The following DIAPH2 variants were observed in gnomAD, a reference collection of about 807,000 sequenced individuals.
DIAPH2 encodes diaphanous related formin 2.
In DIAPH2, 35 loss-of-function variants were observed where a neutral mutation model predicts 92.7. That is an observed-to-expected ratio of 0.38 (90% CI 0.29 to 0.50). DIAPH2 has a LOEUF of 0.50. Ranked by LOEUF, DIAPH2 falls within the 20% of genes least tolerant of loss-of-function variation. The probability of loss-of-function intolerance (pLI) is 0.94; values close to 1 mark genes in which losing one functional copy is unlikely to be tolerated. For missense variants in DIAPH2, 701 were observed against 819.5 expected, an observed-to-expected ratio of 0.86 and a Z score of 1.77; for synonymous variants, 301 against 280.4, an observed-to-expected ratio of 1.07 and a Z score of -0.73.
intron 26 of DIAPH2, among the ~76,000 whole-genome samples, chrX:97,455,760 A>G (rs1010955413): frequency 1.8e-5 from 2 of 112,196 alleles, no homozygotes; most frequent in Non-Finnish European, 3.8e-5. Context: ...TTTATTGTAT[A>G]TGTTTGAAGT....
chrX:97,394,890 C>G (rs1183475936), intron 25 of DIAPH2, among the ~76,000 whole-genome samples: 1 of 111,426 alleles, frequency 9.0e-6, no homozygotes, highest in Non-Finnish European at 1.9e-5. Context: ...TGAGTTTACC[C>G]CTCTTGCCTT....
intron 17 of DIAPH2, among the ~76,000 whole-genome samples, chrX:97,002,406 T>C (rs1023508028): frequency 1.8e-5 from 2 of 111,294 alleles, no homozygotes; most frequent in Non-Finnish European, 3.8e-5. Flanking sequence ...TTTACTGTTG[T>C]GACAACTAAT....
chrX:97,194,411 A>G (rs1424265239), intron 22 of DIAPH2, among the ~76,000 whole-genome samples: 3 of 108,584 alleles, frequency 2.8e-5, no homozygotes, highest in Admixed American at 1.0e-4. Flanking sequence ...CCTCCCGAGT[A>G]GCTGGGACTA....
intron 26 of DIAPH2, among the ~76,000 whole-genome samples, chrX:97,545,075 T>A (rs1014182532): frequency 9.9e-5 from 11 of 110,673 alleles, no homozygotes; most frequent in Non-Finnish European, 2.1e-4. Flanking sequence ...TCCTCTCATC[T>A]ACCCTTTACT....
At chrX:97,260,035 G>C (rs919719784) in intron 23 of DIAPH2, among the ~76,000 whole-genome samples, 1 of 111,917 alleles carries the variant, frequency 8.9e-6, no homozygotes, top group African/African-American at 3.2e-5. Context: ...TCACCATGTA[G>C]GCCAGGCTGG....
intron 26 of DIAPH2, chrX:97,528,565 A>G (rs1380464438): frequency 9.0e-6 from 1 of 111,271 alleles, no homozygotes; most frequent in African/African-American, 3.3e-5. Flanking sequence ...TTGTTTTTAA[A>G]CAACCAGCTT....
At chrX:96,983,995 G>T (rs1367541664) in intron 17 of DIAPH2, among the ~76,000 whole-genome samples, 1 of 111,263 alleles carries the variant, frequency 9.0e-6, no homozygotes, top group Non-Finnish European at 1.9e-5. Flanking sequence ...ATAAAGTAGT[G>T]GTCTTAAGAG....
rs1455336729 is a variant in DIAPH2, at chrX:97,578,241, A to G, written c.3242-21012A>G. The stretch of plus-strand genomic sequence containing the variant: ...TTGTGCAGGTTAGTTACATACGTAT[A>G]CATGTGCCGTGCTGGTGTGCTGCAC... On this transcript the variant is annotated intron_variant, in intron 26 of 26. Coordinates refer to ENST00000324765, the MANE Select transcript of DIAPH2 (RefSeq NM_006729.5). 2.8e-5 allele frequency among the ~76,000 whole-genome samples: 3 copies of G among 108,267 alleles called. No homozygotes were observed. In the East Asian group the frequency reaches 8.6e-4, roughly 31 times the overall value. 94.0% of individuals were successfully genotyped at this position (108,267 alleles called of 115,157 possible).
intron 4 of DIAPH2, among the ~76,000 whole-genome samples, chrX:96,820,845 G>A (rs1006826307): frequency 1.8e-5 from 2 of 111,873 alleles, no homozygotes; most frequent in African/African-American, 6.5e-5. Flanking sequence ...GGAAAGATGT[G>A]ATAGTGATAG....
At chrX:96,824,250 A>G (rs979335121) in intron 4 of DIAPH2, among the ~76,000 whole-genome samples, 1 of 111,178 alleles carries the variant, frequency 9.0e-6, no homozygotes, top group Admixed American at 9.6e-5. Flanking sequence ...ACGCCTTGTA[A>G]GGGAAACAAT....
intron 25 of DIAPH2, among the ~76,000 whole-genome samples, chrX:97,414,871 T>C (rs2069925037): frequency 9.0e-6 from 1 of 111,102 alleles, no homozygotes. Context: ...CTAATTAAAC[T>C]AAAGTGCTTC....
intron 4 of DIAPH2, among the ~76,000 whole-genome samples, chrX:96,875,602 T>G (rs1306845261): frequency 9.0e-6 from 1 of 111,358 alleles, no homozygotes; most frequent in Non-Finnish European, 1.9e-5. Flanking sequence ...TTTCATCCTC[T>G]GAAAATGCCT....
Position 96,858,493 on chromosome X carries a change from G to T in DIAPH2, c.448-23086G>T, listed in dbSNP as rs186534706. Among the ~76,000 whole-genome samples, 10 of 112,139 alleles carry T rather than the reference G, an allele frequency of 8.9e-5. No homozygotes were observed. The East Asian group carries it at 2.5e-3, about 28-fold the overall frequency. On this transcript the variant is annotated intron_variant, in intron 4 of 26. Coordinates refer to ENST00000324765, the MANE Select transcript of DIAPH2 (RefSeq NM_006729.5). ...GCATGTTCTTTCAGGCAGACCTTTG[G>T]CAGAATTGTGGTTCCAGGAGATCAG... is the stretch of plus-strand genomic sequence containing the variant.
intron 4 of DIAPH2, among the ~76,000 whole-genome samples, chrX:96,865,049 T>G (rs2065096144): frequency 8.9e-6 from 1 of 112,116 alleles, no homozygotes. Flanking sequence ...AAATTAACTA[T>G]TATACTTTCA....
intron 17 of DIAPH2, among the ~76,000 whole-genome samples, chrX:97,011,657 GCGGGTGGATCA>G (rs2066226226): frequency 9.1e-6 from 1 of 110,437 alleles, no homozygotes; most frequent in Non-Finnish European, 1.9e-5. Flanking sequence ...AGATTCCAAG[GCGGGTGGATCA>G]CTTGAGGTCA....
chrX:96,719,021 C>T (rs955459736), intron 1 of DIAPH2, among the ~76,000 whole-genome samples: 7 of 111,726 alleles, frequency 6.3e-5, no homozygotes, highest in Admixed American at 4.7e-4. Flanking sequence ...TTTGCATTTC[C>T]GTGATCAATG....
At chrX:97,410,673 T>G (rs2069860748) in intron 25 of DIAPH2, among the ~76,000 whole-genome samples, 1 of 111,657 alleles carries the variant, frequency 9.0e-6, no homozygotes, top group Admixed American at 9.5e-5. Flanking sequence ...GGAAGAAGAT[T>G]AGACGAATGG....
At chrX:97,282,005 A>G (rs1419301029) in intron 23 of DIAPH2, among the ~76,000 whole-genome samples, 1 of 110,776 alleles carries the variant, frequency 9.0e-6, no homozygotes, top group Non-Finnish European at 1.9e-5. Context: ...TTAAAAGTCA[A>G]CACTGGTATG....
chrX:97,043,528 A>G (rs2066461116), intron 17 of DIAPH2, among the ~76,000 whole-genome samples: 1 of 110,655 alleles, frequency 9.0e-6, no homozygotes, highest in Non-Finnish European at 1.9e-5. Flanking sequence ...ATATAAAAAG[A>G]GTAATGATTT....
Sources: gnomAD v4.1 joint callset for allele counts (sites outside exome capture counted in the v4.1 genomes callset) on GRCh38, gnomAD v4.1.1 for gene constraint, MANE v1.5 for transcripts, NCBI Gene and HGNC (gene_info 2026-07-23, HGNC 2026-07-21) for gene names.